The following AGBL1 variants were observed in gnomAD, a reference collection of about 807,000 sequenced individuals.
AGBL1 encodes the protein cytosolic carboxypeptidase 4.
Under a neutral mutation model 118.9 loss-of-function variants are expected in AGBL1, and 130 were observed. The observed-to-expected ratio is 1.09, with a 90% CI of 0.95 to 1.26. The LOEUF is 1.26. Among genes scored for constraint, AGBL1 ranks in the 50% most tolerant of loss-of-function variants. The probability of loss-of-function intolerance (pLI) is 0.00; values close to 1 mark genes in which losing one functional copy is unlikely to be tolerated. For synonymous variants in AGBL1, 555 were observed against 478.9 expected (o/e 1.16, Z -2.08); for missense variants, 1,584 against 1,298.1 (o/e 1.22, Z -3.38).
At chr15:86,814,892 G>A (rs886169909) in intron 22 of AGBL1, among the ~76,000 whole-genome samples, 10 of 152,154 alleles carry the variant, frequency 6.6e-5, no homozygotes, top group African/African-American at 4.8e-5. Context: ...ATTGCCTGAC[G>A]AAATGCATTA....
At chr15:87,007,832 C>T (rs1393066418) in intron 24 of AGBL1, among the ~76,000 whole-genome samples, 1 of 152,198 alleles carries the variant, frequency 6.6e-6, no homozygotes, top group East Asian at 1.9e-4. Context: ...CTCTACAATG[C>T]TTGTTTCTAT....
intron 23 of AGBL1, among the ~76,000 whole-genome samples, chr15:86,967,951 C>T (rs182090135): frequency 6.6e-6 from 1 of 152,014 alleles, no homozygotes; most frequent in Non-Finnish European, 1.5e-5. Flanking sequence ...ATTCTTCCTA[C>T]CCATGAGCAT....
intron 9 of AGBL1, among the ~76,000 whole-genome samples, chr15:86,259,513 G>A (rs1276565562): frequency 6.6e-6 from 1 of 152,056 alleles, no homozygotes; most frequent in Non-Finnish European, 1.5e-5. Context: ...TGTCTAGAAA[G>A]AAAGAGGCTT....
At chr15:86,961,893 G>A (rs1224936339) in intron 23 of AGBL1, among the ~76,000 whole-genome samples, 2 of 152,078 alleles carry the variant, frequency 1.3e-5, no homozygotes, top group East Asian at 3.9e-4. Flanking sequence ...TCCTGAAGAG[G>A]GCAGTGAAGG....
chr15:86,879,353 G>T (rs1032423606), intron 22 of AGBL1, among the ~76,000 whole-genome samples: 7 of 152,104 alleles, frequency 4.6e-5, no homozygotes, highest in African/African-American at 1.7e-4. Context: ...GGGGATGTTG[G>T]GCCTCCCCAC....
chr15:86,734,915 G>A (rs2077571584), intron 22 of AGBL1, among the ~76,000 whole-genome samples: 1 of 152,108 alleles, frequency 6.6e-6, no homozygotes. Context: ...AAGGGAACAG[G>A]AGGGAAACCA....
At position 86,566,078 on chromosome 15, in the gene AGBL1, C is replaced by T. The variant is rs568478287; in HGVS notation, c.2994+11541C>T. 4.7e-5 allele frequency among the ~76,000 whole-genome samples: 7 copies of T among 150,520 alleles called. No individual in the cohort carries two copies. In the East Asian group the frequency reaches 1.4e-3, roughly 30 times the overall value. ...AAATTCCCTGAGCCCTTGCACTTCC[C>T]AGGTGAGGTGATGCCTCGCCCTGCT... On this transcript the variant is annotated intron_variant, in intron 21 of 22. Transcript: ENST00000614907.
At chr15:86,290,604 G>T (rs187915618) in intron 16 of AGBL1, among the ~76,000 whole-genome samples, 1 of 151,690 alleles carries the variant, frequency 6.6e-6, no homozygotes, top group African/African-American at 2.4e-5. Context: ...CACCTGCTTC[G>T]GCCTCCCAGA....
intron 5 of AGBL1, among the ~76,000 whole-genome samples, chr15:86,203,272 T>C (rs938999999): frequency 6.6e-6 from 1 of 152,280 alleles, no homozygotes; most frequent in East Asian, 1.9e-4. Context: ...TTCAAGAGCC[T>C]GAGAGCTTGA....
At chr15:86,900,463 A>G (rs1427469629) in intron 22 of AGBL1, among the ~76,000 whole-genome samples, 1 of 152,138 alleles carries the variant, frequency 6.6e-6, no homozygotes, top group Non-Finnish European at 1.5e-5. Context: ...TGGGAAAATA[A>G]TTTATCCATT....
chr15:86,807,581 G>A (rs1225248486), intron 22 of AGBL1, among the ~76,000 whole-genome samples: 1 of 152,044 alleles, frequency 6.6e-6, no homozygotes, highest in African/African-American at 2.4e-5. Flanking sequence ...CAGCCTATAG[G>A]TATGGTCTGT....
chr15:86,377,424 C>G (rs549619886), intron 17 of AGBL1, among the ~76,000 whole-genome samples: 1 of 152,092 alleles, frequency 6.6e-6, no homozygotes, highest in African/African-American at 2.4e-5. Context: ...GTAGTTCTCA[C>G]GGCCTGAAGA....
intron 21 of AGBL1, among the ~76,000 whole-genome samples, chr15:86,594,708 A>C (rs1328118021): frequency 6.6e-6 from 1 of 152,256 alleles, no homozygotes; most frequent in Non-Finnish European, 1.5e-5. Flanking sequence ...AGTACAAAGT[A>C]AAATCTATTT....
intron 22 of AGBL1, among the ~76,000 whole-genome samples, chr15:86,847,262 C>A (rs1347319310): frequency 6.6e-6 from 1 of 152,176 alleles, no homozygotes; most frequent in East Asian, 1.9e-4. Context: ...CACTCAAAGA[C>A]AGTTTCTAAT....
At chr15:86,209,636 C>A (rs2078057185) in intron 5 of AGBL1, among the ~76,000 whole-genome samples, 1 of 152,006 alleles carries the variant, frequency 6.6e-6, no homozygotes, top group African/African-American at 2.4e-5. Context: ...AGATTGCAAT[C>A]CCTGCTTTTT....
intron 24 of AGBL1, among the ~76,000 whole-genome samples, chr15:87,026,118 C>T (rs908097783): frequency 1.3e-5 from 2 of 151,900 alleles, no homozygotes; most frequent in Non-Finnish European, 2.9e-5. Context: ...TGACCAAGAA[C>T]CCAAACACAA....
intron 18 of AGBL1, among the ~76,000 whole-genome samples, chr15:86,508,830 G>A (rs2083016960): frequency 1.3e-5 from 2 of 152,118 alleles, no homozygotes; most frequent in Non-Finnish European, 2.9e-5. Flanking sequence ...GAACAGTATT[G>A]ATGGTGATGC....
chr15:86,164,440 C>T (rs2077309152), intron 5 of AGBL1, among the ~76,000 whole-genome samples: 1 of 152,172 alleles, frequency 6.6e-6, no homozygotes, highest in Admixed American at 6.5e-5. Flanking sequence ...AATGACTCAT[C>T]TTGTGACCTT....
intron 23 of AGBL1, among the ~76,000 whole-genome samples, chr15:86,945,457 A>G (rs1423138648): frequency 6.6e-6 from 1 of 151,822 alleles, no homozygotes; most frequent in Admixed American, 6.6e-5. Flanking sequence ...CGGCTTGAGC[A>G]GAGGGGATTG....
Sources: allele counts gnomAD v4.1 joint callset (sites outside exome capture counted in the v4.1 genomes callset), GRCh38; gene constraint gnomAD v4.1.1; transcripts MANE v1.5; gene names NCBI Gene and HGNC (gene_info 2026-07-23, HGNC 2026-07-21).